CNTNAP5: variants seen among roughly 807,000 people sequenced by gnomAD.
The protein encoded by CNTNAP5 is contactin associated protein family member 5.
CNTNAP5 carries 72 observed loss-of-function variants against 150.2 expected under a neutral mutation model. The observed-to-expected ratio is 0.48, with a 90% CI of 0.40 to 0.58. The LOEUF (loss-of-function observed/expected upper bound fraction) is 0.58, where lower values mean the gene tolerates loss of function less well. CNTNAP5 is among the 20% of genes least tolerant of loss of function. The pLI is 0.00. For synonymous variants in CNTNAP5, 672 were observed against 619.8 expected (o/e 1.08, Z -1.25); for missense variants, 1,636 against 1,626.2 (o/e 1.01, Z -0.10).
intron 3 of CNTNAP5, among the ~76,000 whole-genome samples, chr2:124,370,934 T>A (rs949453272): frequency 1.3e-5 from 2 of 152,030 alleles, no homozygotes; most frequent in Admixed American, 1.3e-4. Flanking sequence ...TGTTTTAGAG[T>A]AAGTTTGAAG....
intron 13 of CNTNAP5, among the ~76,000 whole-genome samples, chr2:124,723,468 AGC>A (rs1228377647): frequency 1.3e-5 from 2 of 152,190 alleles, no homozygotes; most frequent in Non-Finnish European, 2.9e-5. Flanking sequence ...AAACTTGTCT[AGC>A]CTTTGCATAT....
chr2:124,435,093 T>C (rs1010423107), intron 5 of CNTNAP5, among the ~76,000 whole-genome samples: 1 of 152,174 alleles, frequency 6.6e-6, no homozygotes, highest in Non-Finnish European at 1.5e-5. Context: ...CTCCGGGTTA[T>C]TTTGTTGGGG....
intron 6 of CNTNAP5, among the ~76,000 whole-genome samples, chr2:124,458,015 A>G (rs1330845096): frequency 1.7e-5 from 2 of 118,740 alleles, no homozygotes; most frequent in African/African-American, 6.1e-5. Flanking sequence ...AGACTCCTTA[A>G]AGAACTAAAA....
intron 13 of CNTNAP5, among the ~76,000 whole-genome samples, chr2:124,676,951 C>A (rs899256812): frequency 1.3e-5 from 2 of 152,182 alleles, no homozygotes; most frequent in African/African-American, 4.8e-5. Context: ...GGAAGTGCTT[C>A]TGTTACTGGG....
intron 20 of CNTNAP5, among the ~76,000 whole-genome samples, chr2:124,866,715 A>G (rs2104721882): frequency 6.6e-6 from 1 of 152,242 alleles, no homozygotes; most frequent in Admixed American, 6.5e-5. Flanking sequence ...AGAGCCCAAC[A>G]GAGAATAGAC....
chr2:124,749,348 T>G (rs1573591540), intron 14 of CNTNAP5, among the ~76,000 whole-genome samples: 1 of 111,030 alleles, frequency 9.0e-6, no homozygotes, highest in African/African-American at 3.5e-5. Flanking sequence ...CCCTCCCTCC[T>G]CCTTCCCTCT....
chr2:124,825,239 A>G (rs1367974717), intron 19 of CNTNAP5, among the ~76,000 whole-genome samples: 1 of 152,206 alleles, frequency 6.6e-6, no homozygotes, highest in Non-Finnish European at 1.5e-5. Context: ...AATAAGGATA[A>G]CAAATTTACT....
At chr2:124,043,273 A>G (rs1471080272) in intron 1 of CNTNAP5, among the ~76,000 whole-genome samples, 1 of 152,140 alleles carries the variant, frequency 6.6e-6, no homozygotes, top group African/African-American at 2.4e-5. Context: ...ATTTTACTTA[A>G]CCTCCTAAGT....
rs192884791 is a variant in CNTNAP5, at chr2:124,030,301, T to C, written c.82+4569T>C. 4.6e-5 allele frequency among the ~76,000 whole-genome samples: 7 copies of C among 152,234 alleles called. No individual in the cohort carries two copies. The East Asian group carries it at 1.4e-3, about 29-fold the overall frequency. ...ATTCTTACCAACTTCTATACACTTA[T>C]CTCTCACCTCATATTGTGTCCACAT... On this transcript the variant is annotated intron_variant, in intron 1 of 23. Transcript: ENST00000682447.
At chr2:124,390,822 A>C (rs1368465066) in intron 3 of CNTNAP5, among the ~76,000 whole-genome samples, 1 of 152,246 alleles carries the variant, frequency 6.6e-6, no homozygotes, top group African/African-American at 2.4e-5. Context: ...GATACAATAT[A>C]TAAAAACCAG....
chr2:124,707,207 T>G (rs72978566), intron 13 of CNTNAP5, among the ~76,000 whole-genome samples: 7,334 of 99,296 alleles, frequency 0.074, 751 homozygotes, highest in African/African-American at 0.14. Flanking sequence ...AGAAGAAGAA[T>G]AAACAACTTG....
At chr2:124,285,429 G>A (rs567749705) in intron 3 of CNTNAP5, among the ~76,000 whole-genome samples, 1 of 152,172 alleles carries the variant, frequency 6.6e-6, no homozygotes, top group South Asian at 2.1e-4. Flanking sequence ...CATTTAAATT[G>A]CTAGCCAATT....
chr2:124,707,194 A>AGAAGAAGAAGAAGAAGAAGAAGAG (rs1558743932), intron 13 of CNTNAP5, among the ~76,000 whole-genome samples: 2 of 146,542 alleles, frequency 1.4e-5, no homozygotes, highest in African/African-American at 5.0e-5. Context: ...AAGAAGAAGA[A>AGAAGAAGAAGAAGAAGAAGAAGAG]GAAGAAGAAG....
At chr2:124,571,193 T>G (rs1696144127) in intron 11 of CNTNAP5, among the ~76,000 whole-genome samples, 1 of 152,142 alleles carries the variant, frequency 6.6e-6, no homozygotes, top group African/African-American at 2.4e-5. Flanking sequence ...GGCACAGTAT[T>G]TGCCTGGAAA....
chr2:124,422,571 A>T (rs1332621119), intron 4 of CNTNAP5, among the ~76,000 whole-genome samples: 1 of 152,216 alleles, frequency 6.6e-6, no homozygotes, highest in African/African-American at 2.4e-5. Context: ...GATTGTCAAC[A>T]TTGCCAAATG....
chr2:124,154,782 G>A (rs1472209936), intron 1 of CNTNAP5, among the ~76,000 whole-genome samples: 2 of 152,126 alleles, frequency 1.3e-5, no homozygotes, highest in East Asian at 3.9e-4. Context: ...GCAGCCTCAA[G>A]CCCAGGGGTT....
rs563448215 is a variant in CNTNAP5, at chr2:124,785,242, G to A, written c.2753-4660G>A. Among the ~76,000 whole-genome samples, 4 of 152,244 alleles carry A rather than the reference G, an allele frequency of 2.6e-5. No homozygotes were observed. The South Asian group carries it at 6.2e-4, about 24-fold the overall frequency. On this transcript the variant is annotated intron_variant, in intron 17 of 23. Transcript: ENST00000682447. The stretch of plus-strand genomic sequence containing the variant: ...GGCCAGGAAGGCAACATGAATGAAT[G>A]AAATCATCCTGGTGGGTTCTGTGGT...
intron 12 of CNTNAP5, among the ~76,000 whole-genome samples, chr2:124,631,945 C>G (rs1389248142): frequency 6.6e-6 from 1 of 152,010 alleles, no homozygotes. Context: ...CACATGCGGC[C>G]AATAAACATG....
At chr2:124,445,247 G>C (rs1186203220) in intron 5 of CNTNAP5, among the ~76,000 whole-genome samples, 1 of 151,558 alleles carries the variant, frequency 6.6e-6, no homozygotes, top group African/African-American at 2.4e-5. Flanking sequence ...CCATCACCTT[G>C]CCTGGCTAAT....
Sources: allele counts gnomAD v4.1 joint callset (sites outside exome capture counted in the v4.1 genomes callset), GRCh38; gene constraint gnomAD v4.1.1; transcripts MANE v1.5; gene names NCBI Gene and HGNC (gene_info 2026-07-23, HGNC 2026-07-21).